Variants in ERCC6L2 observed in about 807,000 individuals in gnomAD.
ERCC6L2 encodes DNA excision repair protein ERCC-6-like 2.
In ERCC6L2, 77 loss-of-function variants were observed where a neutral mutation model predicts 132.0. The observed-to-expected ratio is 0.58, with a 90% CI of 0.49 to 0.71. The LOEUF is 0.71. Among genes scored for constraint, ERCC6L2 ranks in the 30% least tolerant of loss-of-function variants. The pLI, the probability that ERCC6L2 is intolerant of heterozygous loss-of-function variation, is 0.00. For synonymous variants in ERCC6L2, 583 were observed against 632.4 expected (o/e 0.92, Z 1.17); for missense variants, 1,542 against 1,837.6 (o/e 0.84, Z 2.94).
intron 12 of ERCC6L2, among the ~76,000 whole-genome samples, chr9:95,943,351 C>T (rs1830895041): frequency 6.6e-6 from 1 of 151,702 alleles, no homozygotes; most frequent in Non-Finnish European, 1.5e-5. Context: ...AAATTGTATG[C>T]CAACAAATGT....
Position 96,032,757 on chromosome 9 carries a change from G to GC in ERCC6L2, c.*1504-6117dup, listed in dbSNP as rs144839386. Among the ~76,000 whole-genome samples the GC allele has an allele frequency of 4.3e-3, 649 of 152,340 alleles. 2 individuals are homozygous for GC. The highest frequency in any genetic ancestry group is 0.012 in the African/African-American group (479 of 41,574). ...ACGCAATGCTGGTCATCTCTGACAT[G>GC]CCATTGTCCTCTACAAACCCCACCT... is the stretch of plus-strand genomic sequence containing the variant. On this transcript the variant is annotated intron_variant and NMD_transcript_variant, in intron 19 of 20. Transcript: ENST00000670016.
At chr9:95,915,882 G>T (rs683829) in intron 5 of ERCC6L2, 53 bp downstream of exon 5, 1,002,412 of 1,477,754 alleles carry the variant, frequency 0.68, 343,871 homozygotes, top group African/African-American at 0.92. Context: ...AGCTGAATAC[G>T]GTCTTGTTTG....
intron 12 of ERCC6L2, among the ~76,000 whole-genome samples, chr9:95,947,940 A>C (rs1831140549): frequency 6.6e-6 from 1 of 152,244 alleles, no homozygotes; most frequent in African/African-American, 2.4e-5. Flanking sequence ...TAGTCACCCA[A>C]GTGTTCTGAT....
intron 17 of ERCC6L2, among the ~76,000 whole-genome samples, chr9:95,988,447 A>G (rs911894555): frequency 3.9e-5 from 6 of 152,232 alleles, no homozygotes; most frequent in Admixed American, 1.3e-4. Flanking sequence ...CAGTTAATCT[A>G]TAAACAAGTC....
Position 95,978,054 on chromosome 9 carries a change from C to G in ERCC6L2, c.3338-7C>G. On this transcript the variant is annotated splice_region_variant and splice_polypyrimidine_tract_variant and intron_variant, in intron 16 of 18. Coordinates refer to ENST00000653738, the MANE Select transcript of ERCC6L2 (RefSeq NM_020207.7). ...ACATCACTTAATAAACATAAATTACCTCCTAGATGGCGTTCAGGAAGTGGC... is the reference window on the plus strand; with the variant it reads ...ACATCACTTAATAAACATAAATTACGTCCTAGATGGCGTTCAGGAAGTGGC... 1 of 1,357,998 alleles carries G rather than the reference C, an allele frequency of 7.4e-7. No individual in the cohort carries two copies. The highest frequency in any genetic ancestry group is 9.8e-7 in the Non-Finnish European group (1 of 1,017,908). 84.1% of individuals were successfully genotyped at this position (1,357,998 alleles called of 1,614,324 possible).
intron 17 of ERCC6L2, among the ~76,000 whole-genome samples, chr9:95,978,582 C>T (rs1832768544): frequency 6.6e-6 from 1 of 152,188 alleles, no homozygotes; most frequent in African/African-American, 2.4e-5. Flanking sequence ...CACAATTTTT[C>T]ACCTAAAATG....
chr9:95,930,121 C>T (rs746328704), intron 11 of ERCC6L2, among the ~76,000 whole-genome samples: 1 of 152,010 alleles, frequency 6.6e-6, no homozygotes, highest in Non-Finnish European at 1.5e-5. Flanking sequence ...CTGGCTCTTG[C>T]TTATGGTTGA....
chr9:95,937,381 T>C lies in ERCC6L2; in HGVS notation c.1752-4073T>C, dbSNP rs114404133. On this transcript the variant is annotated intron_variant, in intron 11 of 18. Transcript: ENST00000653738. Reference sequence around the variant, plus strand: ...TGCATTTACCTAATGTCTAATGATATTAAACATCTTTTCATGTGCTTCTTG... The same window carrying C: ...TGCATTTACCTAATGTCTAATGATACTAAACATCTTTTCATGTGCTTCTTG... Among the ~76,000 whole-genome samples the C allele has an allele frequency of 8.6e-3, 1,307 of 152,252 alleles. 11 individuals are homozygous for C. Among genetic ancestry groups the C allele is most frequent in the African/African-American group, 0.024 (1,010 of 41,568 alleles).
chr9:95,961,854 G>A (rs1466565369), intron 13 of ERCC6L2, among the ~76,000 whole-genome samples: 1 of 152,128 alleles, frequency 6.6e-6, no homozygotes, highest in Non-Finnish European at 1.5e-5. Context: ...GGCACATCTT[G>A]CATGGAGGCA....
Position 95,978,051 on chromosome 9 carries a change from T to G in ERCC6L2, c.3338-10T>G. On this transcript the variant is annotated splice_polypyrimidine_tract_variant and intron_variant, in intron 16 of 18. Transcript: ENST00000653738. ...GATACATCACTTAATAAACATAAATTACCTCCTAGATGGCGTTCAGGAAGT... is the reference window on the plus strand; with the variant it reads ...GATACATCACTTAATAAACATAAATGACCTCCTAGATGGCGTTCAGGAAGT... The G allele has an allele frequency of 7.4e-7, 1 of 1,357,922 alleles. No individual in the cohort carries two copies. The highest frequency in any genetic ancestry group is 9.8e-7 in the Non-Finnish European group (1 of 1,018,004). The allele number at this position is 1,357,922 out of a possible 1,614,324, so 84.1% of individuals were successfully genotyped here.
chr9:95,976,762 G>C (rs1212291085), intron 16 of ERCC6L2, among the ~76,000 whole-genome samples: 5 of 152,160 alleles, frequency 3.3e-5, no homozygotes, highest in African/African-American at 1.2e-4. Context: ...CCTCTGCCCA[G>C]AATCTGTATG....
downstream of ERCC6L2, among the ~76,000 whole-genome samples, chr9:96,018,834 T>C (rs148678710): frequency 1.7e-4 from 26 of 152,026 alleles, no homozygotes; most frequent in Non-Finnish European, 3.7e-4. Context: ...ATCTTAATTA[T>C]ACCAACATGA....
chr9:95,974,722 T>TTGTGTGTGTGTGTGTG (rs139478214), intron 16 of ERCC6L2, among the ~76,000 whole-genome samples: 6 of 149,702 alleles, frequency 4.0e-5, no homozygotes, highest in African/African-American at 1.5e-4. Flanking sequence ...GTGGCCAGAT[T>TTGTGTGTGTGTGTGTG]TGTGTGTGTG....
chr9:95,922,435 A>G lies in ERCC6L2; in HGVS notation c.1413+17A>G. On this transcript the variant is annotated intron_variant, in intron 8 of 18. Transcript: ENST00000653738. The stretch of plus-strand genomic sequence containing the variant: ...AAACAACAGGTTTGGTTAGCATTTT[A>G]CATTTCTTTGTGATGCTATTGTTGT... The G allele has an allele frequency of 6.9e-7, 1 of 1,458,116 alleles. No homozygotes were observed. Among genetic ancestry groups the G allele is most frequent in the Non-Finnish European group, 9.6e-7 (1 of 1,041,742 alleles). The allele number at this position is 1,458,116 out of a possible 1,614,324, so 90.3% of individuals were successfully genotyped here.
chr9:95,906,992 AC>A (rs1829070348), intron 3 of ERCC6L2, 85 bp from the exon 4 acceptor site: 9 of 848,690 alleles, frequency 1.1e-5, no homozygotes, highest in Non-Finnish European at 1.5e-5. Flanking sequence ...AAGGAAGAGG[AC>A]TATTGATATT....
intron 16 of ERCC6L2, among the ~76,000 whole-genome samples, chr9:95,975,572 C>T (rs183968876): frequency 2.2e-5 from 3 of 137,806 alleles, no homozygotes; most frequent in African/African-American, 8.2e-5. Context: ...TGTTGGTTAT[C>T]CTGGGTCCAT....
At chr9:95,930,207 T>C (rs1830276564) in intron 11 of ERCC6L2, among the ~76,000 whole-genome samples, 3 of 152,096 alleles carry the variant, frequency 2.0e-5, no homozygotes, top group Admixed American at 6.6e-5. Flanking sequence ...GGAAATCCTT[T>C]GGAGACCGGT....
chr9:96,028,644 T>C (rs925162709), intron 19 of ERCC6L2, among the ~76,000 whole-genome samples: 2 of 152,188 alleles, frequency 1.3e-5, no homozygotes, highest in Non-Finnish European at 2.9e-5. Context: ...CTTTTCCTTC[T>C]ATTCTATGAG....
rs549175121 is a variant in ERCC6L2 at position 96,026,704 on chromosome 9, CCA to C, written c.*1504-12164_*1504-12163del. ...ACACACACCACACTACACACAAACG[CCA>C]CACACACCCCACACACCAAACACAC... On this transcript the variant is annotated intron_variant and NMD_transcript_variant, in intron 19 of 20. Coordinates refer to the ERCC6L2 transcript ENST00000670016. Among the ~76,000 whole-genome samples the C allele has an allele frequency of 1.9e-3, 281 of 144,972 alleles. 1 individual carries two copies. Among genetic ancestry groups the C allele is most frequent in the African/African-American group, 6.9e-3 (269 of 38,850 alleles).
Sources: allele counts gnomAD v4.1 joint callset (sites outside exome capture counted in the v4.1 genomes callset), GRCh38; gene constraint gnomAD v4.1.1; transcripts MANE v1.5; gene names NCBI Gene and HGNC (gene_info 2026-07-23, HGNC 2026-07-21).